MCF2L: variants seen among roughly 807,000 people sequenced by gnomAD.
The protein encoded by MCF2L is guanine nucleotide exchange factor DBS.
In MCF2L, 97 loss-of-function variants were observed where a neutral mutation model predicts 153.4. That is an observed-to-expected ratio of 0.63 (90% CI 0.54 to 0.75). The LOEUF (loss-of-function observed/expected upper bound fraction) is 0.75. Ranked by LOEUF, MCF2L falls within the 30% of genes least tolerant of loss-of-function variation. MCF2L has a pLI of 0.00. For missense variants in MCF2L, 1,347 were observed against 1,495.2 expected, an observed-to-expected ratio of 0.90 and a Z score of 1.64; for synonymous variants, 659 against 632.2, an observed-to-expected ratio of 1.04 and a Z score of -0.64.
intron 2 of MCF2L, 76 bp downstream of exon 2, chr13:113,014,922 C>G: frequency 1.5e-6 from 2 of 1,326,330 alleles, no homozygotes; most frequent in Non-Finnish European, 2.2e-6. Context: ...CCCCCGTGGC[C>G]TGGCCCAGGC....
At chr13:113,085,241 C>T (rs2034518846) in intron 20 of MCF2L, 63 bp downstream of exon 20, 2 of 1,496,094 alleles carry the variant, frequency 1.3e-6, no homozygotes, top group Non-Finnish European at 1.8e-6. Flanking sequence ...GTCTGTGCCG[C>T]CCTGGGGCCC....
intron 12 of MCF2L, 61 bp from the exon 13 acceptor site, chr13:113,076,991 T>C: frequency 6.5e-7 from 1 of 1,546,858 alleles, no homozygotes; most frequent in Non-Finnish European, 8.8e-7. Context: ...TGCGCCTGAC[T>C]GTGTATTTTT....
At chr13:112,896,876 C>T (rs1010065472) in intron 1 of MCF2L, among the ~76,000 whole-genome samples, 1 of 152,224 alleles carries the variant, frequency 6.6e-6, no homozygotes, top group East Asian at 1.9e-4. Context: ...GAACAGGGCC[C>T]TGCGTCTTCG....
Position 113,096,638 on chromosome 13 carries a change from T to C in MCF2L, c.3277T>C (p.Cys1093Arg). ...VRLGPSGSAQ[C>R]LSSSESSPGS... is the part of the protein sequence containing the mutation. ...GCTCGGCCCGTCCGGCTCGGCCCAG[T>C]GCCTGAGCAGCTCAGGTAAGGCCCA... The change falls in exon 29 of 30, where the codon TGC becomes CGC. Residue 1093 changes from cysteine to arginine, a missense_variant. Coordinates refer to ENST00000535094, the MANE Select transcript of MCF2L (RefSeq NM_001112732.3). The C allele has an allele frequency of 6.3e-7, 1 of 1,589,854 alleles. No individual in the cohort carries two copies. The highest frequency in any genetic ancestry group is 1.7e-4 in the Middle Eastern group (1 of 5,926).
At chr13:113,002,449 A>G (rs1264921024) in intron 1 of MCF2L, among the ~76,000 whole-genome samples, 1 of 152,254 alleles carries the variant, frequency 6.6e-6, no homozygotes, top group Non-Finnish European at 1.5e-5. Context: ...TGCTGTCCCC[A>G]CAATGGGGCC....
chr13:113,077,089 T>C lies in MCF2L; in HGVS notation c.1538T>C (p.Met513Thr), dbSNP rs2033574339. 6.2e-7 allele frequency: 1 copy of C among 1,612,802 alleles called. No homozygotes were observed. The highest frequency in any genetic ancestry group is 8.5e-7 in the Non-Finnish European group (1 of 1,179,798). The change falls in exon 13 of 30, where the codon ATG (methionine) becomes ACG (threonine). Residue 513 changes from methionine (M) to threonine (T), a missense_variant. Coordinates refer to ENST00000535094, the MANE Select transcript of MCF2L (RefSeq NM_001112732.3). ...VRKVFQKQAS[M>T]EEVFHRRQAS... The stretch of plus-strand genomic sequence containing the variant: ...AAGGTCTTCCAGAAGCAGGCAAGCA[T>C]GGAGGAGGTGTTCCACCGCAGGCAG...
At chr13:113,001,895 A>T (rs1422019395) in intron 1 of MCF2L, 1 of 1,585,894 alleles carries the variant, frequency 6.3e-7, no homozygotes. Flanking sequence ...GGGGCTCCTG[A>T]CTCGCACTGG....
At chr13:112,908,840 C>G (rs2081200293) in intron 2 of MCF2L, among the ~76,000 whole-genome samples, 1 of 151,880 alleles carries the variant, frequency 6.6e-6, no homozygotes, top group African/African-American at 2.4e-5. Context: ...ATTCTCCTGC[C>G]TCAGCCTCCC....
At chr13:113,011,441 T>C (rs9549332) in intron 1 of MCF2L, among the ~76,000 whole-genome samples, 69,686 of 142,398 alleles carry the variant, frequency 0.49, 16,426 homozygotes, top group South Asian at 0.68. Context: ...GGTGGACAGG[T>C]GGTGTGGATG....
chr13:113,049,196 C>T (rs1350475987), intron 4 of MCF2L, among the ~76,000 whole-genome samples: 8 of 152,306 alleles, frequency 5.3e-5, no homozygotes, highest in Non-Finnish European at 7.3e-5. Flanking sequence ...AGGCAGGAGG[C>T]GGGCAGTGGT....
intron 2 of MCF2L, among the ~76,000 whole-genome samples, chr13:112,935,008 A>C (rs911459149): frequency 1.3e-5 from 2 of 152,212 alleles, no homozygotes; most frequent in Admixed American, 6.5e-5. Flanking sequence ...AAATCCAGCA[A>C]GGTGGTTGAA....
chr13:113,071,884 G>A (rs2032957228), intron 9 of MCF2L, among the ~76,000 whole-genome samples: 1 of 152,064 alleles, frequency 6.6e-6, no homozygotes. Context: ...AAATTATCTT[G>A]TCTACATATA....
chr13:112,931,074 G>A (rs531057133), intron 2 of MCF2L, among the ~76,000 whole-genome samples: 81 of 152,368 alleles, frequency 5.3e-4, no homozygotes, highest in Non-Finnish European at 7.5e-4. Flanking sequence ...GCGGTTCAGC[G>A]TGCAGATGAC....
Position 113,099,501 on chromosome 13 carries a change from G to T in MCF2L, c.*2642G>T, listed in dbSNP as rs1323790454. The T allele has an allele frequency of 6.6e-6, 1 of 152,166 alleles. No individual in the cohort carries two copies. Among genetic ancestry groups the T allele is most frequent in the African/African-American group, 2.4e-5 (1 of 41,424 alleles). 9.4% of individuals were successfully genotyped at this position (152,166 alleles called of 1,614,324 possible). On this transcript the variant is annotated 3_prime_UTR_variant, in exon 30 of 30. Transcript: ENST00000535094. ...TCAGATTGGTGTCGACAGCTTAGTG[G>T]TGTCTGATTTTATACATGACAAAAT... is the stretch of plus-strand genomic sequence containing the variant.
In MCF2L at chr13:112,993,035, G is replaced by C. The variant is rs918155176; in HGVS notation, c.80-21728G>C. Among the ~76,000 whole-genome samples the C allele has an allele frequency of 6.6e-5, 10 of 152,190 alleles. No individual in the cohort carries two copies. The highest frequency in any genetic ancestry group is 6.5e-4 in the Admixed American group (10 of 15,290). ...CATCAGGCAGGAGTCCATGGGCCAT[G>C]GGGGTGAGGAGAGAGCGGCTCGCTG... On this transcript the variant is annotated intron_variant, in intron 1 of 29. Transcript: ENST00000535094. This position sits in a 1 kb window ranked among gnomAD's most constrained non-coding sequence, Gnocchi z 4.6.
In MCF2L at chr13:113,013,402, C is replaced by G. The variant is rs994770647; in HGVS notation, c.80-1361C>G. 3.3e-5 allele frequency among the ~76,000 whole-genome samples: 5 copies of G among 152,322 alleles called. No homozygotes were observed. In the East Asian group the frequency reaches 5.8e-4, roughly 18 times the overall value. Reference sequence around the variant, plus strand: ...ACACCGTGGCCCTGCTGCTTCCCCCCCAACACCAGGGTTGTGTCTGGCTCG... The same window carrying G: ...ACACCGTGGCCCTGCTGCTTCCCCCGCAACACCAGGGTTGTGTCTGGCTCG... On this transcript the variant is annotated intron_variant, in intron 1 of 29. Coordinates refer to ENST00000535094, the MANE Select transcript of MCF2L (RefSeq NM_001112732.3).
At chr13:112,899,318 C>T (rs767598350) in intron 1 of MCF2L, among the ~76,000 whole-genome samples, 4 of 152,210 alleles carry the variant, frequency 2.6e-5, no homozygotes, top group Admixed American at 6.5e-5. Flanking sequence ...TCACTGCTGA[C>T]GGCTTCTCAA....
intron 2 of MCF2L, among the ~76,000 whole-genome samples, chr13:112,924,733 C>G (rs529346743): frequency 1.3e-5 from 2 of 152,286 alleles, no homozygotes; most frequent in East Asian, 3.9e-4. Flanking sequence ...GGGTGCTAGA[C>G]AAGTTGATCA....
In MCF2L at chr13:113,096,774, A is replaced by T; in HGVS notation, c.3293A>T (p.Glu1098Val). 6.4e-7 allele frequency: 1 copy of T among 1,567,450 alleles called. No homozygotes were observed. Among genetic ancestry groups the T allele is most frequent in the Non-Finnish European group, 8.6e-7 (1 of 1,165,806 alleles). ...SGSAQCLSSS[E>V]SSPGSAVLSN... is the part of the protein sequence containing the mutation. ...CCGTCCCCGCCTGATCTCCCCGCAG[A>T]GTCGAGCCCGGGGTCGGCCGTGCTG... is the stretch of plus-strand genomic sequence containing the variant. Residue 1098 changes from glutamate to valine, a missense_variant and splice_region_variant, in exon 30 of 30, where the codon GAG becomes GTG. Coordinates refer to ENST00000535094, the MANE Select transcript of MCF2L (RefSeq NM_001112732.3).
Sources: gnomAD v4.1 joint callset for allele counts (sites outside exome capture counted in the v4.1 genomes callset) on GRCh38, gnomAD v4.1.1 for gene constraint, Gnocchi (gnomAD v3.1) non-coding constraint, MANE v1.5 for transcripts, NCBI Gene and HGNC (gene_info 2026-07-23, HGNC 2026-07-21) for gene names.